The following PDE4B variants were observed in gnomAD, a reference collection of about 807,000 sequenced individuals.
PDE4B encodes 3',5'-cyclic-AMP phosphodiesterase 4B.
Under a neutral mutation model 82.2 loss-of-function variants are expected in PDE4B, and 20 were observed. The observed-to-expected ratio is 0.24, with a 90% CI of 0.17 to 0.35. The LOEUF is 0.35. Ranked by LOEUF, PDE4B falls within the 10% of genes least tolerant of loss-of-function variation. PDE4B has a pLI of 1.00. For missense variants in PDE4B, 655 were observed against 907.2 expected (o/e 0.72, Z 3.57); for synonymous variants, 320 against 318.9 (o/e 1.00, Z -0.04).
At chr1:66,146,979 T>G (rs1045319895) in intron 3 of PDE4B, among the ~76,000 whole-genome samples, 5 of 152,150 alleles carry the variant, frequency 3.3e-5, no homozygotes, top group Admixed American at 2.6e-4. Context: ...TTCAACCCAT[T>G]TTGAATTTGT....
chr1:66,008,364 G>T (rs1048477590), intron 3 of PDE4B, among the ~76,000 whole-genome samples: 1 of 152,000 alleles, frequency 6.6e-6, no homozygotes, highest in Non-Finnish European at 1.5e-5. Context: ...CTGCTTGATT[G>T]TGCCCATTTC....
At chr1:66,036,049 T>G (rs374940542) in intron 3 of PDE4B, among the ~76,000 whole-genome samples, 1 of 152,324 alleles carries the variant, frequency 6.6e-6, no homozygotes, top group East Asian at 1.9e-4. Context: ...CAGGGTGAAG[T>G]GATATGTCAT....
chr1:65,917,916 C>T (rs757520833), intron 2 of PDE4B, among the ~76,000 whole-genome samples: 6 of 152,218 alleles, frequency 3.9e-5, no homozygotes, highest in Admixed American at 6.5e-5. Context: ...GTAATCCCAG[C>T]ACTTTGGGAG....
intron 3 of PDE4B, among the ~76,000 whole-genome samples, chr1:65,927,112 TA>T (rs1647543005): frequency 6.6e-6 from 1 of 151,698 alleles, no homozygotes; most frequent in South Asian, 2.1e-4. Flanking sequence ...AAGACCATGT[TA>T]AAAGAAGTTA....
intron 3 of PDE4B, among the ~76,000 whole-genome samples, chr1:66,221,460 G>T (rs1650982810): frequency 1.3e-5 from 2 of 151,988 alleles, no homozygotes; most frequent in Admixed American, 1.3e-4. Flanking sequence ...TAAATCCATG[G>T]TACTTTACTT....
At chr1:66,323,227 G>A (rs570725310) in intron 7 of PDE4B, among the ~76,000 whole-genome samples, 11 of 152,104 alleles carry the variant, frequency 7.2e-5, no homozygotes, top group South Asian at 4.1e-4. Context: ...CCCTGTCTGC[G>A]TTCATGAGCA....
chr1:66,130,970 G>A (rs1445598718), intron 3 of PDE4B, among the ~76,000 whole-genome samples: 1 of 152,164 alleles, frequency 6.6e-6, no homozygotes, highest in Non-Finnish European at 1.5e-5. Flanking sequence ...GCCCATGTAG[G>A]CAATATGTGG....
intron 3 of PDE4B, among the ~76,000 whole-genome samples, chr1:66,207,886 A>T (rs1649685881): frequency 6.6e-6 from 1 of 152,204 alleles, no homozygotes; most frequent in East Asian, 1.9e-4. Flanking sequence ...AATTGCAGAA[A>T]GAACCGTAAG....
chr1:66,333,467 T>TAC (rs34525171), intron 8 of PDE4B, among the ~76,000 whole-genome samples: 25 of 151,280 alleles, frequency 1.7e-4, no homozygotes, highest in Middle Eastern at 3.4e-3. Flanking sequence ...TATGTGTGTG[T>TAC]ACACACACAC....
intron 4 of PDE4B, among the ~76,000 whole-genome samples, chr1:66,257,081 T>A (rs867948818): frequency 2.6e-5 from 4 of 151,388 alleles, no homozygotes; most frequent in Non-Finnish European, 4.4e-5. Context: ...TTATGGCAGG[T>A]TCAGCCATAC....
chr1:65,870,784 T>A (rs1646564287), intron 1 of PDE4B, among the ~76,000 whole-genome samples: 1 of 152,170 alleles, frequency 6.6e-6, no homozygotes, highest in African/African-American at 2.4e-5. Flanking sequence ...CCTGTTCTTG[T>A]TTAATTTAGA....
At chr1:66,244,473 T>A (rs1653143029) in intron 3 of PDE4B, among the ~76,000 whole-genome samples, 1 of 152,242 alleles carries the variant, frequency 6.6e-6, no homozygotes, top group Non-Finnish European at 1.5e-5. Context: ...ATTTTCTTCC[T>A]AATTGTATTT....
intron 3 of PDE4B, among the ~76,000 whole-genome samples, chr1:66,074,944 A>C (rs1400943055): frequency 6.6e-6 from 1 of 152,064 alleles, no homozygotes; most frequent in African/African-American, 2.4e-5. Context: ...GATGTAGAGC[A>C]GGTGAGCCCC....
At chr1:66,176,582 TA>T (rs1445226738) in intron 3 of PDE4B, among the ~76,000 whole-genome samples, 1 of 152,246 alleles carries the variant, frequency 6.6e-6, no homozygotes, top group African/African-American at 2.4e-5. Flanking sequence ...TATTAAAAGA[TA>T]ATCAAGTTAT....
chr1:66,315,104 G>C (rs1377013790), intron 7 of PDE4B, among the ~76,000 whole-genome samples: 2 of 152,128 alleles, frequency 1.3e-5, no homozygotes, highest in Non-Finnish European at 2.9e-5. Context: ...CTTCCCACTT[G>C]TTCTGTCATC....
At chr1:66,218,168 T>G (rs778486076) in intron 3 of PDE4B, among the ~76,000 whole-genome samples, 3 of 152,092 alleles carry the variant, frequency 2.0e-5, no homozygotes, top group Non-Finnish European at 4.4e-5. Flanking sequence ...TGCAGGAAGA[T>G]TCAATGCACT....
At chr1:66,087,251 T>C (rs1242430614) in intron 3 of PDE4B, among the ~76,000 whole-genome samples, 1 of 152,158 alleles carries the variant, frequency 6.6e-6, no homozygotes, top group African/African-American at 2.4e-5. Flanking sequence ...GGCAGAAGTA[T>C]GCAAAATGAT....
Position 65,885,605 on chromosome 1 carries a change from A to G in PDE4B, c.-70-27640A>G, listed in dbSNP as rs1159429915. Reference sequence around the variant, plus strand: ...AAACGATCATTCTCAGCAAACTATCACAAGAACAAAAAACCAAACACCACA... The same window carrying G: ...AAACGATCATTCTCAGCAAACTATCGCAAGAACAAAAAACCAAACACCACA... On this transcript the variant is annotated intron_variant, in intron 1 of 16. Transcript: ENST00000341517. Among the ~76,000 whole-genome samples, 24 of 152,050 alleles carry G rather than the reference A, an allele frequency of 1.6e-4. No homozygotes were observed. In the East Asian group the frequency reaches 2.9e-3, roughly 18 times the overall value.
chr1:66,122,497 A>T (rs1181636252), intron 3 of PDE4B, among the ~76,000 whole-genome samples: 1 of 152,132 alleles, frequency 6.6e-6, no homozygotes, highest in Non-Finnish European at 1.5e-5. Flanking sequence ...AGATCCATAT[A>T]ATTTGTTAAA....
Sources: allele counts gnomAD v4.1 joint callset (sites outside exome capture counted in the v4.1 genomes callset), GRCh38; gene constraint gnomAD v4.1.1; transcripts MANE v1.5; gene names NCBI Gene and HGNC (gene_info 2026-07-23, HGNC 2026-07-21).